TENM2: variants seen among roughly 807,000 people sequenced by gnomAD.
TENM2 encodes the protein teneurin transmembrane protein 2.
A neutral mutation model predicts 245.2 loss-of-function variants in TENM2; 52 were observed. The observed-to-expected ratio is 0.21, with a 90% CI of 0.17 to 0.27. The LOEUF (loss-of-function observed/expected upper bound fraction) is 0.27, where lower values mean the gene tolerates loss of function less well. Among genes scored for constraint, TENM2 ranks in the 10% least tolerant of loss-of-function variants. TENM2 has a pLI of 1.00. For missense variants in TENM2, 3,046 were observed against 3,666.8 expected (o/e 0.83, Z 4.37); for synonymous variants, 1,363 against 1,438.9 (o/e 0.95, Z 1.19).
chr5:167,215,550 G>A, the TENM2 span, among the ~76,000 whole-genome samples: 11 of 152,096 alleles, frequency 7.2e-5, no homozygotes, highest in East Asian at 1.2e-3. Context: ...TGTGGGAAGG[G>A]GAAACTCTGG....
intron 2 of TENM2, among the ~76,000 whole-genome samples, chr5:167,685,586 C>T (rs1267316936): frequency 6.6e-6 from 1 of 152,154 alleles, no homozygotes; most frequent in African/African-American, 2.4e-5. Context: ...AGAATGTTTA[C>T]TCCTGTCTTG....
At chr5:167,074,001 C>T in the TENM2 span, among the ~76,000 whole-genome samples, 2 of 152,264 alleles carry the variant, frequency 1.3e-5, no homozygotes, top group East Asian at 3.9e-4. Context: ...TTCCCCTGGT[C>T]CTCTGCTGTT....
chr5:167,876,212 G>C lies in TENM2; in HGVS notation c.712+17G>C, dbSNP rs1773412905. 2.0e-6 allele frequency: 3 copies of C among 1,528,306 alleles called. No homozygotes were observed. The highest frequency in any genetic ancestry group is 2.7e-6 in the Non-Finnish European group (3 of 1,126,182). 94.7% of individuals were successfully genotyped at this position (1,528,306 alleles called of 1,614,324 possible). Reference sequence around the variant, plus strand: ...CCAGCAGTGGTAAGGAAACTCCGTGGTGTCTGAATGTGTGGTGTTTCGTGA... The same window carrying C: ...CCAGCAGTGGTAAGGAAACTCCGTGCTGTCTGAATGTGTGGTGTTTCGTGA... On this transcript the variant is annotated intron_variant, in intron 3 of 28. Transcript: ENST00000518659.
chr5:167,180,022 G>A, the TENM2 span, among the ~76,000 whole-genome samples: 3 of 151,638 alleles, frequency 2.0e-5, no homozygotes, highest in Admixed American at 6.6e-5. Flanking sequence ...GCTGAGTCCT[G>A]TTGGTACTGT....
At chr5:167,592,619 T>A (rs1468944449) in intron 2 of TENM2, among the ~76,000 whole-genome samples, 1 of 152,180 alleles carries the variant, frequency 6.6e-6, no homozygotes, top group African/African-American at 2.4e-5. Flanking sequence ...TGCGATTTCA[T>A]TCTGCCTGTC....
chr5:167,040,069 A>G, the TENM2 span, among the ~76,000 whole-genome samples: 3 of 152,158 alleles, frequency 2.0e-5, no homozygotes, highest in Non-Finnish European at 2.9e-5. Flanking sequence ...TCATTTACTC[A>G]TATAAGTAAA....
chr5:167,310,956 G>A (rs1755995702), intron 1 of TENM2, among the ~76,000 whole-genome samples: 1 of 152,136 alleles, frequency 6.6e-6, no homozygotes, highest in Admixed American at 6.5e-5. Flanking sequence ...ATTTTATTAA[G>A]CATCCTCTAG....
At chr5:167,297,145 C>G (rs1346230925) in intron 1 of TENM2, among the ~76,000 whole-genome samples, 1 of 152,220 alleles carries the variant, frequency 6.6e-6, no homozygotes, top group Non-Finnish European at 1.5e-5. Flanking sequence ...TAACTGATGA[C>G]ATTTCAAGCT....
At chr5:167,819,058 C>CTGTGTGTG (rs145489126) in intron 2 of TENM2, among the ~76,000 whole-genome samples, 19 of 147,590 alleles carry the variant, frequency 1.3e-4, no homozygotes, top group Non-Finnish European at 2.1e-4. Context: ...TGGTGTGTGA[C>CTGTGTGTG]TGTGTGTGTG....
At chr5:168,203,591 C>T in intron 17 of TENM2, 98 bp from the exon 20 acceptor site, 1 of 1,278,300 alleles carries the variant, frequency 7.8e-7, no homozygotes, top group African/African-American at 1.5e-5. Flanking sequence ...ATCTGTATTA[C>T]TGCGAACACG....
chr5:168,188,269 T>C (rs1446387303), intron 13 of TENM2, among the ~76,000 whole-genome samples: 1 of 152,184 alleles, frequency 6.6e-6, no homozygotes, highest in Non-Finnish European at 1.5e-5. Context: ...AGTACAAGTG[T>C]TTGTCAAGGC....
chr5:167,759,393 A>G (rs566853751), intron 2 of TENM2, among the ~76,000 whole-genome samples: 6 of 151,974 alleles, frequency 3.9e-5, no homozygotes, highest in African/African-American at 1.4e-4. Flanking sequence ...GTTTGTTAGG[A>G]CTCACATTCT....
At chr5:168,230,353 C>G (rs923048711) in intron 25 of TENM2, among the ~76,000 whole-genome samples, 1 of 152,158 alleles carries the variant, frequency 6.6e-6, no homozygotes, top group Non-Finnish European at 1.5e-5. Context: ...AGGGAGAAAG[C>G]CTGGAATTTA....
intron 3 of TENM2, among the ~76,000 whole-genome samples, chr5:167,894,945 GGAAGGAAGGAAGGAA>G (rs1775063121): frequency 8.8e-6 from 1 of 113,498 alleles, no homozygotes; most frequent in Non-Finnish European, 1.8e-5. Flanking sequence ...AAGGAAGGAA[GGAAGGAAGGAAGGAA>G]GGAAGGAAGG....
At chr5:168,202,846 G>A (rs1478424766) in intron 17 of TENM2, among the ~76,000 whole-genome samples, 1 of 152,104 alleles carries the variant, frequency 6.6e-6, no homozygotes, top group Admixed American at 6.5e-5. Context: ...AGCAATAATA[G>A]CAATGCCTCA....
At chr5:167,328,504 T>A (rs908106078) in intron 1 of TENM2, among the ~76,000 whole-genome samples, 1 of 152,184 alleles carries the variant, frequency 6.6e-6, no homozygotes, top group Non-Finnish European at 1.5e-5. Flanking sequence ...TTCCCATATC[T>A]TTTGAAGAAT....
At chr5:168,190,511 C>T in exon 14 of TENM2, 1 of 1,614,012 alleles carries the variant, frequency 6.2e-7, no homozygotes, top group Non-Finnish European at 8.5e-7. Context: ...AAGGATAGCA[C>T]CCACATCATT....
chr5:167,756,813 T>C (rs1762338910), intron 2 of TENM2, among the ~76,000 whole-genome samples: 1 of 152,022 alleles, frequency 6.6e-6, no homozygotes, highest in Non-Finnish European at 1.5e-5. Context: ...GGAGACAAAG[T>C]CACCCCTCCC....
At chr5:167,685,390 C>T (rs773251324) in intron 2 of TENM2, among the ~76,000 whole-genome samples, 17 of 152,240 alleles carry the variant, frequency 1.1e-4, no homozygotes, top group African/African-American at 3.8e-4. Flanking sequence ...ATCAGTTAAG[C>T]GATATCCTTT....
Sources: allele counts gnomAD v4.1 joint callset (sites outside exome capture counted in the v4.1 genomes callset), GRCh38; gene constraint gnomAD v4.1.1; transcripts MANE v1.5; gene names NCBI Gene and HGNC (gene_info 2026-07-23, HGNC 2026-07-21).